The following D2HGDH variants were observed in gnomAD, a reference collection of about 807,000 sequenced individuals.
The protein encoded by D2HGDH is D-2-hydroxyglutarate dehydrogenase.
D2HGDH carries 31 observed loss-of-function variants against 46.9 expected under a neutral mutation model. The ratio of observed to expected loss-of-function variants is 0.66; its 90% CI spans 0.50 to 0.89. D2HGDH has a LOEUF of 0.89. D2HGDH is among the 40% of genes least tolerant of loss of function. D2HGDH has a pLI of 0.00. For synonymous variants in D2HGDH, 364 were observed against 332.6 expected (o/e 1.09, Z -1.03); for missense variants, 698 against 720.8 (o/e 0.97, Z 0.36).
intron 1 of D2HGDH, 142 bp from the exon 2 acceptor site, chr2:241,734,991 G>C (rs1692353765): frequency 3.9e-6 from 2 of 518,992 alleles, no homozygotes; most frequent in Non-Finnish European, 3.3e-6. Flanking sequence ...GCGCGCTCGC[G>C]GGGTTGCGGC....
At chr2:241,758,471 G>A (rs1363479236) in intron 9 of D2HGDH, among the ~76,000 whole-genome samples, 2 of 151,734 alleles carry the variant, frequency 1.3e-5, no homozygotes, top group Non-Finnish European at 2.9e-5. Flanking sequence ...GCATTTGTGG[G>A]ATGCCCCCAC....
intron 8 of D2HGDH, chr2:241,755,388 C>T (rs1459046974): frequency 7.7e-7 from 1 of 1,304,676 alleles, no homozygotes; most frequent in Non-Finnish European, 1.0e-6. Flanking sequence ...CTGCCCCACC[C>T]TGGTTCAGGG....
rs547961719 is a variant in D2HGDH at position 241,751,689 on chromosome 2, G to A, written c.1140+301G>A. Reference sequence around the variant, plus strand: ...GGTCCCCTGCAGCCTGTGGTTAAGCGGCCAGTCAGCGGCAGCTCCGCATAG... The same window carrying A: ...GGTCCCCTGCAGCCTGTGGTTAAGCAGCCAGTCAGCGGCAGCTCCGCATAG... On this transcript the variant is annotated intron_variant, in intron 8 of 9. Coordinates refer to ENST00000321264, the MANE Select transcript of D2HGDH (RefSeq NM_152783.5). Among the ~76,000 whole-genome samples, 94 of 152,376 alleles carry A rather than the reference G, an allele frequency of 6.2e-4. 1 individual carries two copies. The highest frequency in any genetic ancestry group is 1.8e-3 in the Admixed American group (28 of 15,310).
intron 8 of D2HGDH, chr2:241,755,558 C>T: frequency 7.0e-7 from 1 of 1,424,148 alleles, no homozygotes. Flanking sequence ...TCCCAGGGTG[C>T]TCGGTGCTGT....
Position 241,755,917 on chromosome 2 carries a change from C to T in D2HGDH, c.1209C>T (p.Asp403=). 1.2e-6 allele frequency: 2 copies of T among 1,612,976 alleles called. No individual in the cohort carries two copies. The highest frequency in any genetic ancestry group is 1.7e-6 in the Non-Finnish European group (2 of 1,179,538). ...GGGATGGCTACGTGTACAAGTACGACCTCTCCCTCCCTGTGGAGCGGCTCT... is the reference window on the plus strand; with the variant it reads ...GGGATGGCTACGTGTACAAGTACGATCTCTCCCTCCCTGTGGAGCGGCTCT... ...LSRDGYVYKY[D]LSLPVERLYD... Residue 403 remains aspartate (D), a synonymous_variant, in exon 9 of 10, where the codon GAC becomes GAT. Coordinates refer to ENST00000321264, the MANE Select transcript of D2HGDH (RefSeq NM_152783.5).
intron 9 of D2HGDH, among the ~76,000 whole-genome samples, chr2:241,762,183 T>C (rs1249678006): frequency 6.7e-6 from 1 of 149,964 alleles, no homozygotes; most frequent in Non-Finnish European, 1.5e-5. Context: ...GCGATTCTCC[T>C]GCCTCAGCCT....
intron 6 of D2HGDH, chr2:241,749,739 G>C: frequency 3.0e-6 from 1 of 334,364 alleles, no homozygotes; most frequent in Non-Finnish European, 5.8e-6. Context: ...CTCCTGATTT[G>C]ATGCTGGTGG....
At position 241,751,389 on chromosome 2, in the gene D2HGDH, G is replaced by A; in HGVS notation, c.1140+1G>A. The A allele has an allele frequency of 1.2e-6, 2 of 1,613,212 alleles. No individual in the cohort carries two copies. Among genetic ancestry groups the A allele is most frequent in the Admixed American group, 1.7e-5 (1 of 60,016 alleles). On this transcript the variant is annotated splice_donor_variant, in intron 8 of 9. Coordinates refer to ENST00000321264, the MANE Select transcript of D2HGDH (RefSeq NM_152783.5). LOFTEE classifies it high-confidence loss of function. ...GGCCACCGACCAGAGGAAAGTCAAG[G>A]TGCCCTGTGTCCTGCTTGCAGGTCC... is the stretch of plus-strand genomic sequence containing the variant.
In D2HGDH at chr2:241,743,903, G is replaced by A. The variant is rs1385392862; in HGVS notation, c.684+88G>A. On this transcript the variant is annotated intron_variant, in intron 5 of 9. Transcript: ENST00000321264. The surrounding 1 kb of genome is among the most constrained non-coding windows in gnomAD (Gnocchi z 4.8). ...GGCCCACGTGGTGGCACAGGTGCAT[G>A]GGGCCCCTCGGGGTGGGAGGTCTTG... 1 of 1,441,880 alleles carries A rather than the reference G, an allele frequency of 6.9e-7. No homozygotes were observed. 89.3% of individuals were successfully genotyped at this position (1,441,880 alleles called of 1,614,324 possible).
intron 6 of D2HGDH, among the ~76,000 whole-genome samples, chr2:241,746,223 G>T (rs1385479839): frequency 6.6e-6 from 1 of 151,998 alleles, no homozygotes; most frequent in Non-Finnish European, 1.5e-5. Context: ...CCTCCATATT[G>T]TCATCATCGT....
At chr2:241,760,729 A>C (rs148353358) in intron 9 of D2HGDH, among the ~76,000 whole-genome samples, 1 of 152,412 alleles carries the variant, frequency 6.6e-6, no homozygotes, top group East Asian at 1.9e-4. Flanking sequence ...CCACAAGAGC[A>C]GAAATCTAAG....
chr2:241,755,278 A>G lies in D2HGDH; in HGVS notation c.1141-571A>G, dbSNP rs373157268. 1.2e-3 allele frequency: 1,334 copies of G among 1,073,618 alleles called. 13 individuals are homozygous for G. In the African/African-American group the frequency reaches 0.039, roughly 32 times the overall value. 66.5% of individuals were successfully genotyped at this position (1,073,618 alleles called of 1,614,324 possible). On this transcript the variant is annotated intron_variant, in intron 8 of 9. Coordinates refer to ENST00000321264, the MANE Select transcript of D2HGDH (RefSeq NM_152783.5). Reference sequence around the variant, plus strand: ...CATGTCCTTCCCTCCCCTGTGGCCCACCCGCCATGTCCCTGCCTCCCACCC... The same window carrying G: ...CATGTCCTTCCCTCCCCTGTGGCCCGCCCGCCATGTCCCTGCCTCCCACCC...
chr2:241,767,989 C>T lies in D2HGDH; in HGVS notation c.*20C>T. ...GCCTGACGGCCACTCCTGCTGCTGC[C>T]AAGGCCCACTGGGGGTCGGCGGGTG... On this transcript the variant is annotated 3_prime_UTR_variant, in exon 10 of 10. Coordinates refer to ENST00000321264, the MANE Select transcript of D2HGDH (RefSeq NM_152783.5). 1.3e-6 allele frequency: 2 copies of T among 1,575,624 alleles called. No homozygotes were observed. Among genetic ancestry groups the T allele is most frequent in the Non-Finnish European group, 1.7e-6 (2 of 1,166,088 alleles).
intron 9 of D2HGDH, 150 bp from the exon 10 acceptor site, chr2:241,767,560 G>A (rs1699247514): frequency 8.1e-6 from 9 of 1,110,112 alleles, no homozygotes; most frequent in South Asian, 3.0e-5. Flanking sequence ...AGGAGGGGTC[G>A]GCACGTCCAG....
intron 8 of D2HGDH, among the ~76,000 whole-genome samples, chr2:241,752,902 C>T (rs900765277): frequency 4.0e-5 from 6 of 148,416 alleles, no homozygotes; most frequent in Admixed American, 4.0e-4. Flanking sequence ...GGCCGTCCTC[C>T]ATGCCCCCAG....
At chr2:241,736,221 A>T (rs894114715) in intron 2 of D2HGDH, 4 of 152,330 alleles carry the variant, frequency 2.6e-5, no homozygotes, top group Non-Finnish European at 4.4e-5. Flanking sequence ...CCGGCCCAGG[A>T]TTGAAAAAAC....
chr2:241,735,283 C>G lies in D2HGDH; in HGVS notation c.59C>G (p.Ala20Gly), dbSNP rs1692446682. The change falls in exon 2 of 10, where the codon GCC becomes GGC. Residue 20 changes from alanine to glycine, a missense_variant. Physicochemically the swap from Ala to Gly is moderately conservative, Grantham distance 60. Coordinates refer to ENST00000321264, the MANE Select transcript of D2HGDH (RefSeq NM_152783.5). ...TGGCTGTTGCGGGGTGCTCCGGGAG[C>G]CGCGGGTTCTTGGGGTCGGCCGGTT... ...PAWLLRGAPG[A>G]AGSWGRPVGP... The G allele has an allele frequency of 1.3e-6, 2 of 1,523,130 alleles. No individual in the cohort carries two copies. The highest frequency in any genetic ancestry group is 1.8e-6 in the Non-Finnish European group (2 of 1,142,522). The allele number at this position is 1,523,130 out of a possible 1,614,324, so 94.4% of individuals were successfully genotyped here.
chr2:241,755,174 C>T lies in D2HGDH; in HGVS notation c.1141-675C>T, dbSNP rs1466012148. ...TCTGCTCCTCCTCAGAATCCTTCCT[C>T]CCCCGTGGCCCGCCCGCCGTGTCCC... On this transcript the variant is annotated intron_variant, in intron 8 of 9. Coordinates refer to ENST00000321264, the MANE Select transcript of D2HGDH (RefSeq NM_152783.5). 9 of 1,302,486 alleles carry T rather than the reference C, an allele frequency of 6.9e-6. No individual in the cohort carries two copies. The Admixed American group carries it at 6.9e-5, about 10-fold the overall frequency. 80.7% of individuals were successfully genotyped at this position (1,302,486 alleles called of 1,614,324 possible). A position where few individuals can be genotyped will look rare whatever the true frequency, so the allele number is the denominator to read the frequency against.
At chr2:241,756,189 G>A (rs559205766) in intron 9 of D2HGDH, among the ~76,000 whole-genome samples, 175 bp downstream of exon 9, 15 of 152,362 alleles carry the variant, frequency 9.8e-5, no homozygotes, top group African/African-American at 1.4e-4. Context: ...AATCCTAATC[G>A]TTGTCATGAC....
Sources: gnomAD v4.1 joint callset for allele counts (sites outside exome capture counted in the v4.1 genomes callset) on GRCh38, gnomAD v4.1.1 for gene constraint, Gnocchi (gnomAD v3.1) non-coding constraint, MANE v1.5 for transcripts, NCBI Gene and HGNC (gene_info 2026-07-23, HGNC 2026-07-21) for gene names.